Variants in RBFOX1 observed in about 807,000 individuals in gnomAD.
RBFOX1 encodes the protein RNA binding fox-1 homolog 1.
RBFOX1 carries 8 observed loss-of-function variants against 57.7 expected under a neutral mutation model. That is an observed-to-expected ratio of 0.14 (90% confidence interval 0.08 to 0.25). The LOEUF (loss-of-function observed/expected upper bound fraction) is 0.25. RBFOX1 is among the 10% of genes least tolerant of loss of function. RBFOX1 has a pLI of 1.00. For missense variants in RBFOX1, 611 were observed against 548.5 expected (o/e 1.11, Z -1.14); for synonymous variants, 326 against 222.4 (o/e 1.47, Z -4.15).
At chr16:6,450,617 C>A (rs1471432614) in intron 2 of RBFOX1, among the ~76,000 whole-genome samples, 4 of 149,534 alleles carry the variant, frequency 2.7e-5, no homozygotes, top group African/African-American at 4.9e-5. Flanking sequence ...GTTTCCATTT[C>A]TTTACTTTTA....
intron 1 of RBFOX1, among the ~76,000 whole-genome samples, chr16:5,337,262 T>C (rs1029978897): frequency 6.6e-6 from 1 of 152,198 alleles, no homozygotes; most frequent in Non-Finnish European, 1.5e-5. Context: ...TGATGGCCTA[T>C]TGGGATGTGT....
chr16:5,477,117 G>T (rs976504993), intron 2 of RBFOX1, among the ~76,000 whole-genome samples: 2 of 152,136 alleles, frequency 1.3e-5, no homozygotes, highest in Non-Finnish European at 2.9e-5. Flanking sequence ...GGGCTCAGGC[G>T]ATACCTCCCA....
chr16:6,385,414 C>T (rs1299353364), intron 2 of RBFOX1, among the ~76,000 whole-genome samples: 1 of 152,194 alleles, frequency 6.6e-6, no homozygotes, highest in Non-Finnish European at 1.5e-5. Flanking sequence ...GGCTGGAGTG[C>T]AGTGCCGCCA....
At chr16:7,332,336 G>A (rs989072113) in intron 4 of RBFOX1, among the ~76,000 whole-genome samples, 6 of 152,170 alleles carry the variant, frequency 3.9e-5, no homozygotes, top group Non-Finnish European at 5.9e-5. Flanking sequence ...GTCTCTCTGC[G>A]TAGCACACAT....
At chr16:5,713,298 G>C (rs1255325885) in intron 3 of RBFOX1, among the ~76,000 whole-genome samples, 2 of 152,190 alleles carry the variant, frequency 1.3e-5, no homozygotes, top group Non-Finnish European at 2.9e-5. Context: ...ATGAGGGAGA[G>C]AGAAGGAGAA....
chr16:6,189,553 C>T lies in RBFOX1; in HGVS notation c.-126-127442C>T, dbSNP rs114492635. Among the ~76,000 whole-genome samples, 430 of 152,302 alleles carry T rather than the reference C, an allele frequency of 2.8e-3. 2 individuals are homozygous for T. Among genetic ancestry groups the T allele is most frequent in the African/African-American group, 1.0e-2 (415 of 41,562 alleles). ...TAGCTTAGGTGCGGGAGCACTCAAA[C>T]CACAGGGACGTGGCTGTCCCACCTG... On this transcript the variant is annotated intron_variant, in intron 1 of 15. Coordinates refer to ENST00000550418, the MANE Select transcript of RBFOX1 (RefSeq NM_018723.4).
chr16:7,646,908 T>G (rs2063843904), intron 11 of RBFOX1, among the ~76,000 whole-genome samples: 1 of 152,064 alleles, frequency 6.6e-6, no homozygotes, highest in African/African-American at 2.4e-5. Flanking sequence ...TCACTGTAAA[T>G]ACATTGAGTG....
intron 3 of RBFOX1, among the ~76,000 whole-genome samples, chr16:5,611,843 A>G (rs2047825022): frequency 8.4e-6 from 1 of 119,080 alleles, no homozygotes; most frequent in Non-Finnish European, 1.7e-5. Context: ...CCCGTCACTC[A>G]GCTACTGTGT....
intron 14 of RBFOX1, among the ~76,000 whole-genome samples, chr16:7,699,833 C>G (rs887452699): frequency 6.6e-6 from 1 of 151,984 alleles, no homozygotes; most frequent in Admixed American, 6.5e-5. Context: ...CATTTTAGAA[C>G]CACATTTTTC....
At chr16:6,775,444 G>C (rs1265536278) in intron 3 of RBFOX1, among the ~76,000 whole-genome samples, 1 of 148,792 alleles carries the variant, frequency 6.7e-6, no homozygotes, top group Non-Finnish European at 1.5e-5. Context: ...TTAACATCTT[G>C]TCTTGCCTAA....
At chr16:6,518,572 A>T (rs980640759) in intron 2 of RBFOX1, among the ~76,000 whole-genome samples, 2 of 152,132 alleles carry the variant, frequency 1.3e-5, no homozygotes. Context: ...GTGCTGGGAA[A>T]ACATCCTGGG....
intron 3 of RBFOX1, among the ~76,000 whole-genome samples, chr16:5,653,964 C>T (rs1359071236): frequency 6.6e-6 from 1 of 152,172 alleles, no homozygotes; most frequent in Non-Finnish European, 1.5e-5. Context: ...GTTCTCAGAT[C>T]CCATCTGGTC....
chr16:6,518,550 C>G (rs1022215007), intron 2 of RBFOX1, among the ~76,000 whole-genome samples: 2 of 151,950 alleles, frequency 1.3e-5, no homozygotes, highest in Non-Finnish European at 2.9e-5. Context: ...AAATCATGCT[C>G]TGGCACCTCC....
At chr16:7,289,092 T>A (rs971755918) in intron 4 of RBFOX1, among the ~76,000 whole-genome samples, 2 of 152,158 alleles carry the variant, frequency 1.3e-5, no homozygotes, top group African/African-American at 4.8e-5. Flanking sequence ...AGAACACTCA[T>A]GCCAGATCCT....
intron 3 of RBFOX1, among the ~76,000 whole-genome samples, chr16:6,736,779 G>T (rs2070443479): frequency 6.6e-6 from 1 of 152,164 alleles, no homozygotes; most frequent in Admixed American, 6.5e-5. Flanking sequence ...TTTGTAGCAG[G>T]TGGTGGTTCT....
At chr16:5,465,746 C>G (rs886184178) in intron 1 of RBFOX1, among the ~76,000 whole-genome samples, 3 of 152,148 alleles carry the variant, frequency 2.0e-5, no homozygotes, top group African/African-American at 4.8e-5. Context: ...TTTCCATGGA[C>G]CAGGCATGCG....
At chr16:5,920,240 G>T (rs1597795587) in intron 4 of RBFOX1, among the ~76,000 whole-genome samples, 1 of 152,118 alleles carries the variant, frequency 6.6e-6, no homozygotes, top group Admixed American at 6.5e-5. Flanking sequence ...GGCCATATTA[G>T]TACTTCCTTT....
At chr16:7,514,558 G>C (rs1208217296) in intron 4 of RBFOX1, among the ~76,000 whole-genome samples, 1 of 152,118 alleles carries the variant, frequency 6.6e-6, no homozygotes, top group Non-Finnish European at 1.5e-5. Flanking sequence ...TGGAGCAGAG[G>C]GGATGGGCAA....
At chr16:7,406,650 C>T (rs1056990176) in intron 4 of RBFOX1, among the ~76,000 whole-genome samples, 2 of 152,202 alleles carry the variant, frequency 1.3e-5, no homozygotes, top group Non-Finnish European at 2.9e-5. Flanking sequence ...CACGCACCCA[C>T]ATGGCAGATT....
Sources: gnomAD v4.1 joint callset for allele counts (sites outside exome capture counted in the v4.1 genomes callset) on GRCh38, gnomAD v4.1.1 for gene constraint, MANE v1.5 for transcripts, NCBI Gene and HGNC (gene_info 2026-07-23, HGNC 2026-07-21) for gene names.